The following PES1 variants were observed in gnomAD, a reference collection of about 807,000 sequenced individuals.
The protein encoded by PES1 is pescadillo ribosomal biogenesis factor 1.
In PES1, 31 loss-of-function variants were observed where a neutral mutation model predicts 77.1. The ratio of observed to expected loss-of-function variants is 0.40; its 90% CI spans 0.30 to 0.54. The LOEUF is 0.54. PES1 is among the 20% of genes least tolerant of loss of function. PES1 has a pLI of 0.45. For synonymous variants in PES1, 282 were observed against 303.0 expected (o/e 0.93, Z 0.72); for missense variants, 658 against 771.7 (o/e 0.85, Z 1.75).
chr22:30,598,437 TAAA>T (rs1003286268), intron 2 of PES1: 1 of 148,220 alleles, frequency 6.7e-6, no homozygotes, highest in Non-Finnish European at 1.5e-5. Flanking sequence ...GTAAAACCCG[TAAA>T]AAAAAAAATT....
upstream of PES1, chr22:30,592,240 C>A: frequency 9.9e-7 from 1 of 1,014,714 alleles, no homozygotes; most frequent in Non-Finnish European, 1.2e-6. Context: ...GCGCCGCACT[C>A]CATGGTGCGC....
intron 2 of PES1, among the ~76,000 whole-genome samples, chr22:30,604,976 T>C (rs550465647): frequency 6.6e-6 from 1 of 152,222 alleles, no homozygotes; most frequent in South Asian, 2.1e-4. Flanking sequence ...CCCTGACCAG[T>C]CACTCTATTT....
At chr22:30,586,390 T>A (rs941066339) in intron 4 of PES1, among the ~76,000 whole-genome samples, 1 of 152,162 alleles carries the variant, frequency 6.6e-6, no homozygotes, top group Admixed American at 6.5e-5. Flanking sequence ...CCAGGTTGGA[T>A]GAAGCCAACC....
chr22:30,586,050 T>C (rs1330055806), intron 4 of PES1, among the ~76,000 whole-genome samples: 1 of 152,286 alleles, frequency 6.6e-6, no homozygotes, highest in African/African-American at 2.4e-5. Context: ...AGCACCAGCA[T>C]TTCTGGGCCA....
rs958548784 is a variant in PES1, at chr22:30,600,688, C to T, written c.-661+4773G>A. Among the ~76,000 whole-genome samples the T allele has an allele frequency of 7.2e-5, 11 of 151,968 alleles. No homozygotes were observed. In the South Asian group the frequency reaches 8.3e-4, roughly 11 times the overall value. On this transcript the variant is annotated intron_variant, in intron 2 of 16. Transcript: ENST00000402281. ...AAAATTAGCCAGGAGTGGTGGCGGG[C>T]GCCTGTAGTCCCAGCTATTCAGGAG...
At chr22:30,593,050 G>A (rs2087205999), upstream of PES1, among the ~76,000 whole-genome samples, 1 of 151,772 alleles carries the variant, frequency 6.6e-6, no homozygotes, top group South Asian at 2.1e-4. Context: ...TGAGGCTCTT[G>A]TGAATGTGAC....
Position 30,578,954 on chromosome 22 carries a change from C to G in PES1, c.1566G>C (p.Gln522His). Residue 522 changes from glutamine (Q) to histidine (H), a missense_variant, in exon 14 of 15, where the codon CAG (glutamine) becomes CAC (histidine). Transcript: ENST00000354694. ...CACTCTCCTCCTCCTGGGCCAGCCG[C>G]TGCTTATCCTCCAGCTTCAAGGTGC... ...MAGTLKLEDK[Q>H]RLAQEEESEA... The G allele has an allele frequency of 6.2e-7, 1 of 1,613,220 alleles. No homozygotes were observed. Among genetic ancestry groups the G allele is most frequent in the Non-Finnish European group, 8.5e-7 (1 of 1,180,010 alleles).
chr22:30,606,011 G>A (rs1254943476), intron 1 of PES1, among the ~76,000 whole-genome samples: 1 of 152,152 alleles, frequency 6.6e-6, no homozygotes, highest in African/African-American at 2.4e-5. Context: ...TTCTCACACA[G>A]GAAGAACTAT....
intron 2 of PES1, among the ~76,000 whole-genome samples, chr22:30,601,346 A>G (rs1212380249): frequency 6.6e-6 from 1 of 151,854 alleles, no homozygotes; most frequent in Non-Finnish European, 1.5e-5. Context: ...ATGGAGTCTC[A>G]GTCCGTCGCC....
At chr22:30,590,297 C>A (rs186618081) in intron 1 of PES1, among the ~76,000 whole-genome samples, 1 of 152,224 alleles carries the variant, frequency 6.6e-6, no homozygotes. Context: ...AACAAATACC[C>A]TGCAAGCTAA....
chr22:30,596,692 G>A (rs1348694618), upstream of PES1, among the ~76,000 whole-genome samples: 1 of 152,200 alleles, frequency 6.6e-6, no homozygotes, highest in Non-Finnish European at 1.5e-5. Context: ...GAGATGATGC[G>A]TGCTGGCAGC....
chr22:30,601,655 A>G (rs1488545166), intron 2 of PES1, among the ~76,000 whole-genome samples: 2 of 151,810 alleles, frequency 1.3e-5, no homozygotes, highest in Non-Finnish European at 2.9e-5. Context: ...ACTTAGTTTT[A>G]TCACTGTTTT....
chr22:30,582,018 C>T (rs553472701), intron 6 of PES1, among the ~76,000 whole-genome samples: 8 of 152,242 alleles, frequency 5.3e-5, no homozygotes, highest in African/African-American at 1.9e-4. Flanking sequence ...CTAGCTCAGA[C>T]TCGGACAGAC....
chr22:30,604,494 G>A (rs1391186760), intron 2 of PES1, among the ~76,000 whole-genome samples: 1 of 152,210 alleles, frequency 6.6e-6, no homozygotes, highest in South Asian at 2.1e-4. Flanking sequence ...TTAGCTGGGG[G>A]TGGTGGCGCA....
intron 6 of PES1, among the ~76,000 whole-genome samples, chr22:30,583,845 C>T (rs534868792): frequency 6.6e-6 from 1 of 152,378 alleles, no homozygotes; most frequent in Non-Finnish European, 1.5e-5. Context: ...CCCTTCTCTC[C>T]CAGTCCCCGA....
In PES1 at chr22:30,599,472, C is replaced by T. The variant is rs1001295907; in HGVS notation, c.-661+5989G>A. On this transcript the variant is annotated intron_variant, in intron 2 of 16. Transcript: ENST00000402281. ...TTTAATAGGAAACAGCGAAATCTTC[C>T]GAGTTATCAACAAAATAAGTACGTA... Among the ~76,000 whole-genome samples, 32 of 152,132 alleles carry T rather than the reference C, an allele frequency of 2.1e-4. 1 individual carries two copies. The highest frequency in any genetic ancestry group is 1.3e-3 in the Admixed American group (20 of 15,274).
rs900815841 is a variant in PES1 at position 30,591,852 on chromosome 22, C to G, written c.-19G>C. ...CTCCCATCGCTCCACGTTGAGGAGC[C>G]GACTAGGGCCGCGCGTACAGGGAGC... is the stretch of plus-strand genomic sequence containing the variant. On this transcript the variant is annotated 5_prime_UTR_variant, in exon 1 of 15. Coordinates refer to ENST00000354694, the MANE Select transcript of PES1 (RefSeq NM_014303.4). The G allele has an allele frequency of 5.2e-6, 8 of 1,550,964 alleles. No homozygotes were observed. The highest frequency in any genetic ancestry group is 7.0e-6 in the Non-Finnish European group (8 of 1,148,390).
chr22:30,592,143 T>C (rs1186894371), upstream of PES1: 16 of 1,183,738 alleles, frequency 1.4e-5, no homozygotes, highest in South Asian at 1.6e-4. Context: ...CTGATGACGA[T>C]TCATTGACTG....
intron 1 of PES1, chr22:30,605,658 C>T (rs934158384): frequency 3.3e-5 from 6 of 180,090 alleles, no homozygotes; most frequent in Non-Finnish European, 5.3e-5. Context: ...TGCGGTTCTG[C>T]GGAAGTTGGG....
Sources: allele counts gnomAD v4.1 joint callset (sites outside exome capture counted in the v4.1 genomes callset), GRCh38; gene constraint gnomAD v4.1.1; transcripts MANE v1.5; gene names NCBI Gene and HGNC (gene_info 2026-07-23, HGNC 2026-07-21).